PBLD: variants seen among roughly 807,000 people sequenced by gnomAD.
PBLD encodes phenazine biosynthesis like protein domain containing.
A neutral mutation model predicts 31.3 loss-of-function variants in PBLD; 26 were observed. That is an observed-to-expected ratio of 0.83 (90% CI 0.61 to 1.15). PBLD has a LOEUF of 1.15. PBLD is among the 50% of genes most tolerant of loss of function. The probability of loss-of-function intolerance (pLI) is 0.00; values close to 1 mark genes in which losing one functional copy is unlikely to be tolerated. For synonymous variants in PBLD, 114 were observed against 129.0 expected, an observed-to-expected ratio of 0.88 and a Z score of 0.79; for missense variants, 307 against 351.7, an observed-to-expected ratio of 0.87 and a Z score of 1.02.
chr10:68,288,249 G>A (rs1299690002), intron 8 of PBLD: 1 of 510,436 alleles, frequency 2.0e-6, no homozygotes, highest in Non-Finnish European at 3.4e-6. Flanking sequence ...AGGAAGCTAG[G>A]AATGTAAACC....
At chr10:68,319,053 GAGAAAGAAAGAAAGAA>G (rs60229423) in intron 1 of PBLD, among the ~76,000 whole-genome samples, 192 of 98,894 alleles carry the variant, frequency 1.9e-3, no homozygotes, top group South Asian at 0.011. Flanking sequence ...AAGAAAGAGA[GAGAAAGAAAGAAAGAA>G]AGAAAGAAAG....
intron 2 of PBLD, among the ~76,000 whole-genome samples, chr10:68,303,626 A>AAAAC (rs71009038): frequency 0.79 from 118,810 of 151,052 alleles, 47,350 homozygotes; most frequent in Non-Finnish European, 0.86. Flanking sequence ...ACTTGTCTTG[A>AAAAC]AAACAAAAAA....
rs1262216699 is a variant in PBLD at position 68,284,344 on chromosome 10, AAGCAT to A, written c.755-60_755-56del. 9.1e-6 allele frequency: 13 copies of A among 1,421,868 alleles called. No homozygotes were observed. In the Middle Eastern group the frequency reaches 1.1e-3, roughly 116 times the overall value. 88.1% of individuals were successfully genotyped at this position (1,421,868 alleles called of 1,614,324 possible). A position where few individuals can be genotyped will look rare whatever the true frequency, so the allele number is the denominator to read the frequency against. On this transcript the variant is annotated intron_variant, in intron 9 of 9. Transcript: ENST00000358769. ...GTATTTTCACCCTTTTAAATTAACA[AAGCAT>A]AGTGAAAGACTTATTACAAATCTTA... is the stretch of plus-strand genomic sequence containing the variant.
chr10:68,328,096 T>A (rs2044952401), intron 1 of PBLD, among the ~76,000 whole-genome samples: 2 of 152,162 alleles, frequency 1.3e-5, no homozygotes, highest in Non-Finnish European at 2.9e-5. Context: ...TGAACCATAA[T>A]AAAGGAGATT....
intron 1 of PBLD, among the ~76,000 whole-genome samples, chr10:68,328,005 G>C (rs2044950956): frequency 6.6e-6 from 1 of 152,102 alleles, no homozygotes. Context: ...GATTCACAAA[G>C]AACACTTAGG....
At chr10:68,286,721 C>T (rs775716678) in intron 8 of PBLD, among the ~76,000 whole-genome samples, 7 of 152,034 alleles carry the variant, frequency 4.6e-5, no homozygotes, top group Admixed American at 3.3e-4. Context: ...TATTTTTTCA[C>T]GTTTGTACTC....
chr10:68,322,740 T>A (rs1033857969), intron 1 of PBLD, among the ~76,000 whole-genome samples: 8 of 151,840 alleles, frequency 5.3e-5, no homozygotes, highest in African/African-American at 1.9e-4. Flanking sequence ...ACCATCAATG[T>A]AAGATTTGTT....
intron 8 of PBLD, 77 bp downstream of exon 8, chr10:68,288,406 G>A: frequency 6.7e-7 from 1 of 1,499,634 alleles, no homozygotes; most frequent in Non-Finnish European, 9.0e-7. Flanking sequence ...AAAGGTCACA[G>A]GAAGTGCACT....
At chr10:68,290,232 C>T (rs2044341591) in intron 6 of PBLD, among the ~76,000 whole-genome samples, 1 of 152,122 alleles carries the variant, frequency 6.6e-6, no homozygotes, top group East Asian at 1.9e-4. Context: ...TGTTAGAGGC[C>T]AAGATACTCC....
rs771812799 is a variant in PBLD, at chr10:68,319,191, GA to G, written c.-59-12289del. Among the ~76,000 whole-genome samples, 62 of 137,062 alleles carry G rather than the reference GA, an allele frequency of 4.5e-4. 1 individual carries two copies. Among genetic ancestry groups the G allele is most frequent in the South Asian group, 4.5e-3 (20 of 4,424 alleles). 89.9% of individuals were successfully genotyped at this position (137,062 alleles called of 152,430 possible). ...AGTTGGGACTCCACTGATGGAGAGTGAAAAAAAAAAAGGATGAAAATATCAA... is the reference window on the plus strand; with the variant it reads ...AGTTGGGACTCCACTGATGGAGAGTGAAAAAAAAAAGGATGAAAATATCAA... On this transcript the variant is annotated intron_variant, in intron 1 of 9. Coordinates refer to ENST00000358769, the MANE Select transcript of PBLD (RefSeq NM_022129.4).
chr10:68,307,116 G>A (rs113603231), intron 1 of PBLD, among the ~76,000 whole-genome samples: 57 of 151,788 alleles, frequency 3.8e-4, no homozygotes, highest in Non-Finnish European at 6.5e-4. Context: ...TGTAACCTCC[G>A]CCTCCCCGGT....
rs1407448086 is a variant in PBLD at position 68,292,009 on chromosome 10, C to T, written c.423+1G>A. ...GCTCAGGTTTGATTCTTTTTACCAA[C>T]CTTTATCAAGTCCTCTACTTCATGG... On this transcript the variant is annotated splice_donor_variant, in intron 6 of 9. Coordinates refer to ENST00000358769, the MANE Select transcript of PBLD (RefSeq NM_022129.4). LOFTEE classifies it high-confidence loss of function. 3.2e-6 allele frequency: 5 copies of T among 1,584,386 alleles called. No homozygotes were observed. The highest frequency in any genetic ancestry group is 3.3e-5 in the Admixed American group (2 of 59,804).
intron 2 of PBLD, among the ~76,000 whole-genome samples, chr10:68,303,104 C>T (rs1564730693): frequency 6.6e-6 from 1 of 151,532 alleles, no homozygotes; most frequent in African/African-American, 2.4e-5. Flanking sequence ...GAAGGAGTTT[C>T]ACTCTGTCGC....
chr10:68,323,825 T>A (rs2044872615), intron 1 of PBLD, among the ~76,000 whole-genome samples: 1 of 152,216 alleles, frequency 6.6e-6, no homozygotes, highest in Non-Finnish European at 1.5e-5. Flanking sequence ...TAAATTCTCA[T>A]TCTAGTTTTT....
chr10:68,309,045 G>A (rs1331160394), intron 1 of PBLD, among the ~76,000 whole-genome samples: 5 of 150,224 alleles, frequency 3.3e-5, no homozygotes, highest in African/African-American at 9.8e-5. Context: ...CTCTGCAATA[G>A]TCTTAGTTTG....
chr10:68,285,403 T>A lies in PBLD; in HGVS notation c.699A>T (p.Ala233=). 5.0e-6 allele frequency: 8 copies of A among 1,602,046 alleles called. No homozygotes were observed. The highest frequency in any genetic ancestry group is 5.9e-6 in the Non-Finnish European group (7 of 1,176,476). ...ACCAGTAGCTGCTGAGAACAGCGTG[T>A]GCAGACCCTCAAAAGAAGTGAAAAG... ...GVAEDPVTGS[A]HAVLSSYWSQ... is the part of the protein sequence containing the mutation. The change falls in exon 9 of 10, where the codon GCA becomes GCT. Residue 233 remains alanine, a synonymous_variant. Transcript: ENST00000358769.
intron 2 of PBLD, among the ~76,000 whole-genome samples, chr10:68,301,559 A>T (rs981392369): frequency 1.3e-4 from 20 of 152,156 alleles, no homozygotes; most frequent in Admixed American, 5.2e-4. Context: ...TGATCAAGAA[A>T]AGCCTTTGCT....
intron 1 of PBLD, among the ~76,000 whole-genome samples, chr10:68,316,892 A>G (rs866696107): frequency 7.9e-5 from 12 of 152,192 alleles, no homozygotes; most frequent in South Asian, 2.1e-4. Context: ...GTGCGAATGT[A>G]GTCCCAGCAA....
rs2045272281 is a variant in PBLD, at chr10:68,332,895, G to A, written c.-171C>T. 1 of 152,244 alleles carries A rather than the reference G, an allele frequency of 6.6e-6. No homozygotes were observed. Among genetic ancestry groups the A allele is most frequent in the Non-Finnish European group, 1.5e-5 (1 of 68,086 alleles). The allele number at this position is 152,244 out of a possible 1,614,324, so 9.4% of individuals were successfully genotyped here. On this transcript the variant is annotated 5_prime_UTR_variant, in exon 1 of 10. Coordinates refer to ENST00000358769, the MANE Select transcript of PBLD (RefSeq NM_022129.4). ...GAAGGTGCTCAACTCCCAAATCCAG[G>A]ACAAAGGAGGCAGACGGCCTCCTTT...
Sources: gnomAD v4.1 joint callset for allele counts (sites outside exome capture counted in the v4.1 genomes callset) on GRCh38, gnomAD v4.1.1 for gene constraint, MANE v1.5 for transcripts, NCBI Gene and HGNC (gene_info 2026-07-23, HGNC 2026-07-21) for gene names.